Variants in SP1 observed in about 807,000 individuals in gnomAD.
SP1 encodes the protein transcription factor Sp1.
A neutral mutation model predicts 66.3 loss-of-function variants in SP1; 6 were observed. The observed-to-expected ratio is 0.09, with a 90% CI of 0.05 to 0.18. SP1 has a LOEUF of 0.18. Among genes scored for constraint, SP1 ranks in the 10% least tolerant of loss-of-function variants. The pLI is 1.00. For synonymous variants in SP1, 417 were observed against 360.8 expected, an observed-to-expected ratio of 1.16 and a Z score of -1.77; for missense variants, 848 against 964.5, an observed-to-expected ratio of 0.88 and a Z score of 1.60.
In SP1 at chr12:53,413,894, A is replaced by G. The variant is rs918013815; in HGVS notation, c.*2654A>G. 4.6e-5 allele frequency: 7 copies of G among 152,218 alleles called. No individual in the cohort carries two copies. The highest frequency in any genetic ancestry group is 8.8e-5 in the Non-Finnish European group (6 of 68,030). The allele number at this position is 152,218 out of a possible 1,614,324, so 9.4% of individuals were successfully genotyped here. ...TGGTTTACCCTCAACCCTATTCATTAGCATTACCATGAGTGAATTTATATC... is the reference window on the plus strand; with the variant it reads ...TGGTTTACCCTCAACCCTATTCATTGGCATTACCATGAGTGAATTTATATC... On this transcript the variant is annotated 3_prime_UTR_variant, in exon 6 of 6. Transcript: ENST00000327443.
At chr12:53,389,806 T>C (rs1221959586) in intron 3 of SP1, among the ~76,000 whole-genome samples, 1 of 152,122 alleles carries the variant, frequency 6.6e-6, no homozygotes, top group East Asian at 1.9e-4. Context: ...AGATTTAAGT[T>C]TGGATGACTT....
At chr12:53,392,770 C>T (rs1938384867) in intron 3 of SP1, among the ~76,000 whole-genome samples, 1 of 152,074 alleles carries the variant, frequency 6.6e-6, no homozygotes, top group Non-Finnish European at 1.5e-5. Context: ...GCTGGGATTA[C>T]AGGCGTGAGC....
intron 1 of SP1, among the ~76,000 whole-genome samples, chr12:53,381,091 T>C (rs1938086565): frequency 6.6e-6 from 1 of 151,444 alleles, no homozygotes; most frequent in African/African-American, 2.4e-5. Context: ...TAGCTGGAAT[T>C]ACAGGCATGC....
In SP1 at chr12:53,411,825, C is replaced by G. The variant is rs1170083805; in HGVS notation, c.*585C>G. ...CATCAAGCTTTTCTGTAGATGTTGT[C>G]TTGGCTTCCCACCAGCTTAAGCGTT... is the stretch of plus-strand genomic sequence containing the variant. On this transcript the variant is annotated 3_prime_UTR_variant, in exon 6 of 6. Coordinates refer to ENST00000327443, the MANE Select transcript of SP1 (RefSeq NM_138473.3). The G allele has an allele frequency of 6.6e-6, 1 of 152,298 alleles. No individual in the cohort carries two copies. The highest frequency in any genetic ancestry group is 1.5e-5 in the Non-Finnish European group (1 of 67,966). 9.4% of individuals were successfully genotyped at this position (152,298 alleles called of 1,614,324 possible). A position where few individuals can be genotyped will look rare whatever the true frequency, so the allele number is the denominator to read the frequency against.
chr12:53,405,041 G>GT (rs989025659), intron 3 of SP1, among the ~76,000 whole-genome samples: 1 of 151,262 alleles, frequency 6.6e-6, no homozygotes, highest in African/African-American at 2.4e-5. Flanking sequence ...AGAGATGGGG[G>GT]TTTTACCATG....
chr12:53,398,204 T>G (rs2045472), intron 3 of SP1, among the ~76,000 whole-genome samples: 12,256 of 152,298 alleles, frequency 0.08, 1,609 homozygotes, highest in African/African-American at 0.28. Context: ...TAGCTATTCT[T>G]TGTACCACTT....
chr12:53,380,256 A>T lies in SP1; in HGVS notation c.-36A>T. The T allele has an allele frequency of 1.8e-6, 1 of 557,588 alleles. No individual in the cohort carries two copies. The highest frequency in any genetic ancestry group is 3.4e-6 in the Non-Finnish European group (1 of 292,114). 34.5% of individuals were successfully genotyped at this position (557,588 alleles called of 1,614,324 possible). A position where few individuals can be genotyped will look rare whatever the true frequency, so the allele number is the denominator to read the frequency against. On this transcript the variant is annotated 5_prime_UTR_variant, in exon 1 of 6. Coordinates refer to ENST00000327443, the MANE Select transcript of SP1 (RefSeq NM_138473.3). ...TCCCGGCCCCCCCCAACCCCCCCGG[A>T]CAGGACCCCCTTGAGCTTGTCCCTC...
chr12:53,383,669 C>A, intron 3 of SP1, 47 bp downstream of exon 3: 2 of 1,477,338 alleles, frequency 1.4e-6, no homozygotes, highest in Non-Finnish European at 1.8e-6. Context: ...ACTCTAGCAT[C>A]GTAGCTGAAA....
chr12:53,397,228 C>T (rs1938510342), intron 3 of SP1, among the ~76,000 whole-genome samples: 1 of 151,908 alleles, frequency 6.6e-6, no homozygotes, highest in Non-Finnish European at 1.5e-5. Flanking sequence ...CCAGGCAGAT[C>T]TCAAACTCCT....
At chr12:53,402,954 CA>C (rs1167615812) in intron 3 of SP1, among the ~76,000 whole-genome samples, 3 of 148,206 alleles carry the variant, frequency 2.0e-5, no homozygotes, top group Non-Finnish European at 3.0e-5. Flanking sequence ...GCCTGGGCGA[CA>C]GAGATTCCAT....
chr12:53,393,730 T>G (rs1938408030), intron 3 of SP1, among the ~76,000 whole-genome samples: 1 of 151,826 alleles, frequency 6.6e-6, no homozygotes, highest in Non-Finnish European at 1.5e-5. Flanking sequence ...CCCGAGTAGC[T>G]GGGATTGCAG....
In SP1 at chr12:53,412,475, C is replaced by T. The variant is rs974362592; in HGVS notation, c.*1235C>T. 3 of 152,704 alleles carry T rather than the reference C, an allele frequency of 2.0e-5. No individual in the cohort carries two copies. The East Asian group carries it at 5.8e-4, about 29-fold the overall frequency. The allele number at this position is 152,704 out of a possible 1,614,324, so 9.5% of individuals were successfully genotyped here. ...GAAATACACTTCTTTTGAACATCCC[C>T]ACTAGGTTCTTTTCCATTGTCAATA... On this transcript the variant is annotated 3_prime_UTR_variant, in exon 6 of 6. Transcript: ENST00000327443.
At chr12:53,396,186 C>G (rs1938484910) in intron 3 of SP1, among the ~76,000 whole-genome samples, 1 of 151,030 alleles carries the variant, frequency 6.6e-6, no homozygotes, top group Admixed American at 6.6e-5. Context: ...GACGCTGAGG[C>G]AGGAGAATGG....
chr12:53,392,596 A>G (rs1404876500), intron 3 of SP1, among the ~76,000 whole-genome samples: 4 of 151,056 alleles, frequency 2.6e-5, no homozygotes, highest in African/African-American at 9.7e-5. Context: ...TGACCTCGTG[A>G]TCCGCCCGCC....
At position 53,409,474 on chromosome 12, in the gene SP1, G is replaced by A. The variant is rs1424379280; in HGVS notation, c.1957G>A (p.Glu653Lys). ...LRAHLRWHTG[E>K]RPFMCTWSYC... Reference sequence around the variant, plus strand: ...GGCACACTTGCGCTGGCATACAGGCGAGAGGCCATTTATGTGTACCTGGTC... The same window carrying A: ...GGCACACTTGCGCTGGCATACAGGCAAGAGGCCATTTATGTGTACCTGGTC... The change falls in exon 5 of 6, where the codon GAG (glutamate) becomes AAG (lysine). Residue 653 changes from glutamate (E) to lysine (K), a missense_variant. Around this residue, in one of 7 missense-constraint regions of SP1, gnomAD observed 39 missense variants for 124.2 expected, o/e 0.31. Coordinates refer to ENST00000327443, the MANE Select transcript of SP1 (RefSeq NM_138473.3). 2 of 1,614,166 alleles carry A rather than the reference G, an allele frequency of 1.2e-6. No homozygotes were observed. Among genetic ancestry groups the A allele is most frequent in the Non-Finnish European group, 1.7e-6 (2 of 1,180,028 alleles).
Position 53,411,360 on chromosome 12 carries a change from A to G in SP1, c.*120A>G. Reference sequence around the variant, plus strand: ...TGAAGCATTAAAATGCATGGTGTTGAGAAGAATCAGGAGAGGGATACAAGA... The same window carrying G: ...TGAAGCATTAAAATGCATGGTGTTGGGAAGAATCAGGAGAGGGATACAAGA... On this transcript the variant is annotated 3_prime_UTR_variant, in exon 6 of 6. Coordinates refer to ENST00000327443, the MANE Select transcript of SP1 (RefSeq NM_138473.3). 6 of 783,980 alleles carry G rather than the reference A, an allele frequency of 7.7e-6. No individual in the cohort carries two copies. Among genetic ancestry groups the G allele is most frequent in the Non-Finnish European group, 1.2e-5 (6 of 498,900 alleles). The allele number at this position is 783,980 out of a possible 1,614,324, so 48.6% of individuals were successfully genotyped here.
intron 3 of SP1, among the ~76,000 whole-genome samples, chr12:53,394,244 G>C (rs549963737): frequency 6.6e-6 from 1 of 151,956 alleles, no homozygotes; most frequent in East Asian, 1.9e-4. Context: ...ACTCTGCTTA[G>C]AATTCTTTGA....
rs150910327 is a variant in SP1 at position 53,416,235 on chromosome 12, C to G, written c.*4995C>G. On this transcript the variant is annotated 3_prime_UTR_variant, in exon 6 of 6. Coordinates refer to ENST00000327443, the MANE Select transcript of SP1 (RefSeq NM_138473.3). ...TCATCTTGTTCTTCCCCCTCACCCC[C>G]CACTCTTAGGTATGTATGATGCTAA... 1,814 of 153,186 alleles carry G rather than the reference C, an allele frequency of 0.012. 32 individuals are homozygous for G. Among genetic ancestry groups the G allele is most frequent in the African/African-American group, 0.041 (1,709 of 41,534 alleles). The allele number at this position is 153,186 out of a possible 1,614,324, so 9.5% of individuals were successfully genotyped here. A position where few individuals can be genotyped will look rare whatever the true frequency, so the allele number is the denominator to read the frequency against.
chr12:53,404,358 C>T (rs1938679949), intron 3 of SP1, among the ~76,000 whole-genome samples: 1 of 151,844 alleles, frequency 6.6e-6, no homozygotes, highest in South Asian at 2.1e-4. Flanking sequence ...GGTGAAACCC[C>T]ATCTCTACTA....
Sources: allele counts gnomAD v4.1 joint callset (sites outside exome capture counted in the v4.1 genomes callset), GRCh38; gene constraint gnomAD v4.1.1; regional missense constraint gnomAD v4.1.1; transcripts MANE v1.5; gene names NCBI Gene and HGNC (gene_info 2026-07-23, HGNC 2026-07-21).